The following EEIG2 variants were observed in gnomAD, a reference collection of about 807,000 sequenced individuals.
EEIG2 encodes EEIG family member 2, also known as family with sequence similarity 102 member B.
chr1:108,630,465 AC>A, the EEIG2 span, among the ~76,000 whole-genome samples: 13,241 of 152,186 alleles, frequency 0.087, 667 homozygotes, highest in Middle Eastern at 0.2. Flanking sequence ...TAGGAGATAA[AC>A]CTAATGTTAA....
the EEIG2 span, among the ~76,000 whole-genome samples, chr1:108,634,912 C>G: frequency 6.6e-6 from 1 of 152,182 alleles, no homozygotes; most frequent in African/African-American, 2.4e-5. Context: ...GAATCAGGAT[C>G]TAGGCTAATC....
At chr1:108,566,696 TA>T in the EEIG2 span, among the ~76,000 whole-genome samples, 264 of 143,998 alleles carry the variant, frequency 1.8e-3, no homozygotes, top group Non-Finnish European at 1.7e-3. Flanking sequence ...TTCGGCCTTT[TA>T]AAAAAAAAAA....
the EEIG2 span, chr1:108,627,830 A>C: frequency 4.5e-6 from 1 of 220,502 alleles, no homozygotes; most frequent in Non-Finnish European, 9.0e-6. Context: ...TGTTAGAGAA[A>C]TACTGAACAC....
At chr1:108,569,763 T>C in the EEIG2 span, among the ~76,000 whole-genome samples, 1 of 152,226 alleles carries the variant, frequency 6.6e-6, no homozygotes, top group African/African-American at 2.4e-5. Flanking sequence ...TATGTGTGCA[T>C]TTGTGTCTCT....
chr1:108,632,198 T>A, the EEIG2 span, among the ~76,000 whole-genome samples: 1 of 151,140 alleles, frequency 6.6e-6, no homozygotes, highest in Non-Finnish European at 1.5e-5. Context: ...AAACCAAGAT[T>A]AAAACTCATG....
chr1:108,561,403 A>G, the EEIG2 span, among the ~76,000 whole-genome samples: 1 of 152,252 alleles, frequency 6.6e-6, no homozygotes, highest in South Asian at 2.1e-4. Context: ...AATTTTTTAA[A>G]TGAACTTTTG....
At chr1:108,604,544 G>A in the EEIG2 span, among the ~76,000 whole-genome samples, 1 of 152,176 alleles carries the variant, frequency 6.6e-6, no homozygotes, top group East Asian at 1.9e-4. Flanking sequence ...TCCAGCAAAC[G>A]AGAGTGAGGA....
At chr1:108,635,113 G>A in the EEIG2 span, 3 of 1,614,084 alleles carry the variant, frequency 1.9e-6, no homozygotes, top group Non-Finnish European at 1.7e-6. Context: ...TTTAGGGTGG[G>A]GTCTGGAGCT....
At chr1:108,593,589 G>A in the EEIG2 span, among the ~76,000 whole-genome samples, 3 of 152,138 alleles carry the variant, frequency 2.0e-5, no homozygotes, top group Admixed American at 6.5e-5. Context: ...ATAAGTAACT[G>A]ACAGTTTTTG....
chr1:108,560,122 A>AGGCGGCGGC, the EEIG2 span: 127 of 174,638 alleles, frequency 7.3e-4, 1 homozygote, highest in South Asian at 5.4e-3. Flanking sequence ...GCGGCGGCGG[A>AGGCGGCGGC]GGCGGCGGCG....
chr1:108,598,806 C>T, the EEIG2 span, among the ~76,000 whole-genome samples: 2 of 152,036 alleles, frequency 1.3e-5, no homozygotes, highest in Non-Finnish European at 2.9e-5. Flanking sequence ...TTTATAATTC[C>T]TGTTCTTGGA....
the EEIG2 span, among the ~76,000 whole-genome samples, chr1:108,630,352 A>T: frequency 6.6e-6 from 1 of 152,108 alleles, no homozygotes; most frequent in Admixed American, 6.6e-5. Context: ...GCTTGTTCTC[A>T]CTCATAGGTG....
chr1:108,568,786 C>A, the EEIG2 span, among the ~76,000 whole-genome samples: 1 of 152,130 alleles, frequency 6.6e-6, no homozygotes, highest in East Asian at 1.9e-4. Flanking sequence ...TTGGCTCACC[C>A]CACATCCGAA....
the EEIG2 span, among the ~76,000 whole-genome samples, chr1:108,607,884 G>C: frequency 1.3e-5 from 2 of 152,092 alleles, no homozygotes; most frequent in Non-Finnish European, 2.9e-5. Context: ...TCTAGAGTCT[G>C]TCTCTGTTAT....
the EEIG2 span, among the ~76,000 whole-genome samples, chr1:108,593,454 C>T: frequency 1.3e-5 from 2 of 152,214 alleles, no homozygotes; most frequent in Non-Finnish European, 2.9e-5. Context: ...GCTTATACTC[C>T]ATCCCATGCC....
the EEIG2 span, among the ~76,000 whole-genome samples, chr1:108,572,512 C>T: frequency 6.6e-6 from 1 of 152,114 alleles, no homozygotes; most frequent in South Asian, 2.1e-4. Flanking sequence ...CATGTGTTCA[C>T]CAATCTAGTA....
At chr1:108,575,676 T>C in the EEIG2 span, among the ~76,000 whole-genome samples, 1 of 152,180 alleles carries the variant, frequency 6.6e-6, no homozygotes, top group Non-Finnish European at 1.5e-5. Flanking sequence ...TGGATGAAGC[T>C]TGAAAACATC....
the EEIG2 span, chr1:108,606,182 T>G: frequency 3.0e-6 from 4 of 1,315,402 alleles, no homozygotes; most frequent in South Asian, 6.0e-5. Flanking sequence ...TTTAAATCTT[T>G]CATTATGTGA....
At chr1:108,613,106 G>C in the EEIG2 span, among the ~76,000 whole-genome samples, 3 of 152,168 alleles carry the variant, frequency 2.0e-5, no homozygotes, top group African/African-American at 7.2e-5. Flanking sequence ...CACAAATTTA[G>C]CAGCTGGAAA....
Sources: gnomAD v4.1 joint callset for allele counts (sites outside exome capture counted in the v4.1 genomes callset) on GRCh38, gnomAD v4.1.1 for gene constraint, MANE v1.5 for transcripts, NCBI Gene and HGNC (gene_info 2026-07-23, HGNC 2026-07-21) for gene names.